PTPRJ: variants seen among roughly 807,000 people sequenced by gnomAD.
PTPRJ encodes the protein protein tyrosine phosphatase receptor type J.
In PTPRJ, 129 loss-of-function variants were observed where a neutral mutation model predicts 141.3. That is an observed-to-expected ratio of 0.91 (90% confidence interval 0.79 to 1.06). The LOEUF is 1.06. PTPRJ is among the 50% of genes least tolerant of loss of function. The pLI, the probability that PTPRJ is intolerant of heterozygous loss-of-function variation, is 0.00. For missense variants in PTPRJ, 1,601 were observed against 1,679.7 expected, an observed-to-expected ratio of 0.95 and a Z score of 0.82; for synonymous variants, 610 against 640.5, an observed-to-expected ratio of 0.95 and a Z score of 0.72.
chr11:48,026,539 T>C (rs1446554171), intron 1 of PTPRJ, among the ~76,000 whole-genome samples: 3 of 151,420 alleles, frequency 2.0e-5, no homozygotes, highest in Non-Finnish European at 4.4e-5. Flanking sequence ...TGGAGTGCAA[T>C]GGTGCGATCT....
intron 8 of PTPRJ, chr11:48,132,670 T>G (rs1425199160): frequency 1.2e-6 from 1 of 868,600 alleles, no homozygotes. Flanking sequence ...TGTGCACATG[T>G]ACCCTAGAAC....
At chr11:48,148,396 G>A (rs1857401697) in intron 15 of PTPRJ, among the ~76,000 whole-genome samples, 2 of 152,096 alleles carry the variant, frequency 1.3e-5, no homozygotes, top group South Asian at 4.2e-4. Context: ...AATCAAGCCT[G>A]CTTTATTCAG....
intron 18 of PTPRJ, among the ~76,000 whole-genome samples, chr11:48,151,618 C>T (rs1238068685): frequency 1.5e-5 from 2 of 132,726 alleles, no homozygotes; most frequent in Middle Eastern, 3.4e-3. Flanking sequence ...CCATGACAGG[C>T]CCCGGTGTGT....
chr11:48,068,983 A>G (rs1855159269), intron 1 of PTPRJ, among the ~76,000 whole-genome samples: 1 of 152,218 alleles, frequency 6.6e-6, no homozygotes, highest in South Asian at 2.1e-4. Flanking sequence ...TGCCCCAGGG[A>G]GAATTCCAGG....
chr11:48,058,099 A>G (rs1442781537), intron 1 of PTPRJ, among the ~76,000 whole-genome samples: 1 of 151,974 alleles, frequency 6.6e-6, no homozygotes, highest in African/African-American at 2.4e-5. Context: ...TTTAGTAGAG[A>G]TAGGCTTTCA....
intron 1 of PTPRJ, among the ~76,000 whole-genome samples, chr11:48,091,458 A>G (rs1447469126): frequency 6.6e-6 from 1 of 152,166 alleles, no homozygotes; most frequent in African/African-American, 2.4e-5. Flanking sequence ...TCAAAGTAAA[A>G]TTCTTTAGAA....
Position 48,136,310 on chromosome 11 carries a change from G to A in PTPRJ, c.1873+14G>A. 1 of 1,611,530 alleles carries A rather than the reference G, an allele frequency of 6.2e-7. No individual in the cohort carries two copies. Among genetic ancestry groups the A allele is most frequent in the African/African-American group, 1.3e-5 (1 of 75,004 alleles). ...CACAGTACACACGTAAGTCTCTTAG[G>A]ATGCCCTTCTAAGGAACAGCCTCTC... On this transcript the variant is annotated intron_variant, in intron 9 of 24. Coordinates refer to ENST00000418331, the MANE Select transcript of PTPRJ (RefSeq NM_002843.4).
At chr11:47,995,570 T>A (rs1196064691) in intron 1 of PTPRJ, among the ~76,000 whole-genome samples, 1 of 152,184 alleles carries the variant, frequency 6.6e-6, no homozygotes. Flanking sequence ...CAAGAGTATC[T>A]TTGTCTTGGA....
chr11:48,070,500 C>CA (rs35904394), intron 1 of PTPRJ, among the ~76,000 whole-genome samples: 13,334 of 72,848 alleles, frequency 0.18, 893 homozygotes, highest in South Asian at 0.31. Flanking sequence ...ACTCTGTCTC[C>CA]AAAAAAAAAA....
Position 48,130,658 on chromosome 11 carries a change from A to G in PTPRJ, c.1557A>G (p.Ile519Met). ...CTGGAACCAAGTATTGCTTTGAAAT[A>G]GTTCCAAAAGGACCAAATGGGACTG... is the stretch of plus-strand genomic sequence containing the variant. ...LFPGTKYCFE[I>M]VPKGPNGTEG... The change falls in exon 8 of 25, where the codon ATA (isoleucine) becomes ATG (methionine). Residue 519 changes from isoleucine to methionine, a missense_variant. Physicochemically the swap from Ile to Met is conservative, Grantham distance 10. Transcript: ENST00000418331. 1 of 1,614,108 alleles carries G rather than the reference A, an allele frequency of 6.2e-7. No homozygotes were observed. The highest frequency in any genetic ancestry group is 1.1e-5 in the South Asian group (1 of 91,088).
In PTPRJ at chr11:48,136,983, G is replaced by A. The variant is rs755742783; in HGVS notation, c.1874-20G>A. ...CTTAATCTGTGCTTTTACATGAATTGCCTTTTTTTTAAAATCAAGGGCCCA... is the reference window on the plus strand; with the variant it reads ...CTTAATCTGTGCTTTTACATGAATTACCTTTTTTTTAAAATCAAGGGCCCA... On this transcript the variant is annotated intron_variant, in intron 9 of 24. Transcript: ENST00000418331. 1.3e-6 allele frequency: 2 copies of A among 1,559,656 alleles called. No individual in the cohort carries two copies.
intron 18 of PTPRJ, among the ~76,000 whole-genome samples, chr11:48,152,255 G>A (rs1857502109): frequency 6.6e-6 from 1 of 152,182 alleles, no homozygotes; most frequent in African/African-American, 2.4e-5. Context: ...CTTTTGAGAA[G>A]TGTCTGTTCA....
chr11:48,156,967 A>C (rs1260279614), intron 21 of PTPRJ, among the ~76,000 whole-genome samples: 1 of 151,684 alleles, frequency 6.6e-6, no homozygotes, highest in Non-Finnish European at 1.5e-5. Context: ...AACGTCCTGA[A>C]ATCCCTCTTC....
At position 47,986,585 on chromosome 11, in the gene PTPRJ, C is replaced by T. The variant is rs151132202; in HGVS notation, c.96+5577C>T. On this transcript the variant is annotated intron_variant, in intron 1 of 24. Transcript: ENST00000418331. ...AGGCTGGAGTGCAGTGGCGTGATCT[C>T]CACTTACTGCAACCTCCGCCTCCCG... is the stretch of plus-strand genomic sequence containing the variant. 3.4e-3 allele frequency among the ~76,000 whole-genome samples: 514 copies of T among 152,200 alleles called. 5 individuals carry two copies. Among genetic ancestry groups the T allele is most frequent in the African/African-American group, 0.012 (495 of 41,530 alleles).
At chr11:48,106,763 C>CTTTTTTTT (rs35643138) in intron 1 of PTPRJ, among the ~76,000 whole-genome samples, 26 of 86,404 alleles carry the variant, frequency 3.0e-4, no homozygotes, top group African/African-American at 3.9e-4. Flanking sequence ...TTCTTTCTTT[C>CTTTTTTTT]TTTTTTTTTT....
chr11:48,109,431 ACTGTC>A (rs1471259498), intron 1 of PTPRJ, among the ~76,000 whole-genome samples: 1 of 152,190 alleles, frequency 6.6e-6, no homozygotes, highest in Admixed American at 6.5e-5. Flanking sequence ...CCCAGCTGAC[ACTGTC>A]AGCTAAACCT....
At chr11:48,075,827 C>T (rs575058873) in intron 1 of PTPRJ, among the ~76,000 whole-genome samples, 28 of 152,314 alleles carry the variant, frequency 1.8e-4, no homozygotes, top group African/African-American at 5.3e-4. Context: ...TCCGCACCTT[C>T]TACCATGTCT....
chr11:48,044,351 A>G (rs534724455), intron 1 of PTPRJ, among the ~76,000 whole-genome samples: 1 of 152,268 alleles, frequency 6.6e-6, no homozygotes, highest in South Asian at 2.1e-4. Context: ...GGGCAGATTC[A>G]CAGCTGCTCT....
At chr11:48,099,861 T>G (rs1856108983) in intron 1 of PTPRJ, among the ~76,000 whole-genome samples, 1 of 152,166 alleles carries the variant, frequency 6.6e-6, no homozygotes, top group Admixed American at 6.5e-5. Flanking sequence ...CAGCGGCAGT[T>G]TCCTGTGCTG....
Sources: gnomAD v4.1 joint callset for allele counts (sites outside exome capture counted in the v4.1 genomes callset) on GRCh38, gnomAD v4.1.1 for gene constraint, MANE v1.5 for transcripts, NCBI Gene and HGNC (gene_info 2026-07-23, HGNC 2026-07-21) for gene names.